VDR: variants seen among roughly 807,000 people sequenced by gnomAD.
The protein encoded by VDR is vitamin D receptor.
Under a neutral mutation model 39.7 loss-of-function variants are expected in VDR, and 19 were observed. The ratio of observed to expected loss-of-function variants is 0.48; its 90% CI spans 0.33 to 0.70. The LOEUF (loss-of-function observed/expected upper bound fraction) is 0.70. Ranked by LOEUF, VDR falls within the 30% of genes least tolerant of loss-of-function variation. The probability of loss-of-function intolerance (pLI) is 0.02; values close to 1 mark genes in which losing one functional copy is unlikely to be tolerated. For synonymous variants in VDR, 242 were observed against 215.8 expected, an observed-to-expected ratio of 1.12 and a Z score of -1.07; for missense variants, 442 against 570.5, an observed-to-expected ratio of 0.77 and a Z score of 2.29.
chr12:47,880,450 C>T (rs183067119), intron 2 of VDR, among the ~76,000 whole-genome samples: 2 of 152,134 alleles, frequency 1.3e-5, no homozygotes, highest in Non-Finnish European at 2.9e-5. Flanking sequence ...CAAATGAGGC[C>T]CAGAGAGGCC....
chr12:47,861,662 G>C (rs1945628048), intron 4 of VDR, among the ~76,000 whole-genome samples: 1 of 152,112 alleles, frequency 6.6e-6, no homozygotes, highest in Non-Finnish European at 1.5e-5. Context: ...GTGTTGGGCT[G>C]TCTGGTGATC....
chr12:47,892,803 A>G (rs575124395), intron 1 of VDR, among the ~76,000 whole-genome samples: 10 of 152,336 alleles, frequency 6.6e-5, no homozygotes, highest in African/African-American at 2.4e-4. Flanking sequence ...TAGAGGGAGC[A>G]TATGCAAGAG....
intron 2 of VDR, among the ~76,000 whole-genome samples, chr12:47,882,463 G>A (rs1415280356): frequency 1.3e-5 from 2 of 152,068 alleles, no homozygotes; most frequent in South Asian, 2.1e-4. Flanking sequence ...AGCCAGGGTC[G>A]TGGCTGGAGC....
intron 1 of VDR, among the ~76,000 whole-genome samples, chr12:47,897,498 T>G (rs1946483596): frequency 6.6e-6 from 1 of 152,152 alleles, no homozygotes; most frequent in Non-Finnish European, 1.5e-5. Flanking sequence ...GGATAGGTAA[T>G]TACAAAGTTG....
At chr12:47,865,611 C>G (rs936858261) in intron 3 of VDR, among the ~76,000 whole-genome samples, 4 of 151,586 alleles carry the variant, frequency 2.6e-5, no homozygotes, top group Non-Finnish European at 4.4e-5. Flanking sequence ...TGGGGTCTCA[C>G]TATGTTGCCC....
intron 4 of VDR, among the ~76,000 whole-genome samples, chr12:47,859,946 T>C (rs1228828629): frequency 1.4e-5 from 2 of 141,144 alleles, no homozygotes; most frequent in Non-Finnish European, 3.0e-5. Flanking sequence ...TTTCTTTCTT[T>C]CTTTCTTTCT....
intron 1 of VDR, chr12:47,904,542 G>A (rs932925211): frequency 1.2e-4 from 190 of 1,521,744 alleles, no homozygotes; most frequent in Admixed American, 2.0e-4. Context: ...GGCCCTGTAA[G>A]ACAATAAATA....
intron 7 of VDR, among the ~76,000 whole-genome samples, chr12:47,854,066 A>T (rs1391417958): frequency 6.6e-6 from 1 of 152,052 alleles, no homozygotes; most frequent in Non-Finnish European, 1.5e-5. Flanking sequence ...CTCCAGTAGA[A>T]CTCCTTATAC....
chr12:47,904,677 C>A, intron 1 of VDR: 1 of 1,520,386 alleles, frequency 6.6e-7, no homozygotes, highest in South Asian at 1.2e-5. Context: ...TCTTGTTGCC[C>A]AAGTGCTAAG....
Position 47,844,878 on chromosome 12 carries a change from G to C in VDR, c.1152C>G (p.Ile384Met). ...GGCTGCGCAGGTCGGCTAGCTTCTGGATCATCTTGGCATAGAGCAGGTGGC... is the reference window on the plus strand; with the variant it reads ...GGCTGCGCAGGTCGGCTAGCTTCTGCATCATCTTGGCATAGAGCAGGTGGC... ...PGSHLLYAKM[I>M]QKLADLRSLN... The change falls in exon 10 of 10, where the codon ATC becomes ATG. Residue 384 changes from isoleucine to methionine, a missense_variant. This residue lies in a region of VDR where 173 missense variants were observed against 252.0 expected (regional missense o/e 0.69). Coordinates refer to ENST00000549336, the MANE Select transcript of VDR (RefSeq NM_000376.3). 1 of 1,614,182 alleles carries C rather than the reference G, an allele frequency of 6.2e-7. No individual in the cohort carries two copies.
chr12:47,842,800 T>C lies in VDR; in HGVS notation c.*1946A>G, dbSNP rs1945197747. The C allele has an allele frequency of 6.6e-6, 1 of 152,104 alleles. No homozygotes were observed. Among genetic ancestry groups the C allele is most frequent in the Non-Finnish European group, 1.5e-5 (1 of 68,018 alleles). The allele number at this position is 152,104 out of a possible 1,614,324, so 9.4% of individuals were successfully genotyped here. ...CCTGGCCCACTTCTAGCTAGTTATA[T>C]ATGCTTGGGTGAGTCACGCCCTCCT... On this transcript the variant is annotated 3_prime_UTR_variant, in exon 10 of 10. Transcript: ENST00000549336.
At chr12:47,868,997 C>T (rs546657925) in intron 3 of VDR, among the ~76,000 whole-genome samples, 13 of 152,232 alleles carry the variant, frequency 8.5e-5, no homozygotes, top group Non-Finnish European at 1.5e-4. Flanking sequence ...TCTTGAGGCC[C>T]CAGGGCCTAT....
chr12:47,894,283 C>T (rs956519963), intron 1 of VDR, among the ~76,000 whole-genome samples: 71 of 152,354 alleles, frequency 4.7e-4, no homozygotes, highest in African/African-American at 4.8e-5. Flanking sequence ...TGCTGCCCAC[C>T]GGATGTCTGA....
chr12:47,865,714 C>T (rs974319709), intron 3 of VDR, among the ~76,000 whole-genome samples: 4 of 106,358 alleles, frequency 3.8e-5, no homozygotes, highest in Non-Finnish European at 5.8e-5. Flanking sequence ...CACTCCGACT[C>T]TTTTTTTTTT....
At chr12:47,855,952 T>G in intron 6 of VDR, 151 bp from the exon 7 acceptor site, 1 of 870,850 alleles carries the variant, frequency 1.1e-6, no homozygotes, top group Non-Finnish European at 1.9e-6. Flanking sequence ...AGCCCCAGGC[T>G]TCCCTCTGGG....
chr12:47,867,289 C>T (rs990068773), intron 3 of VDR, among the ~76,000 whole-genome samples: 3 of 151,964 alleles, frequency 2.0e-5, no homozygotes, highest in Admixed American at 6.6e-5. Context: ...GGGAGACGGC[C>T]GTTTCACTGA....
rs527937423 is a variant in VDR, at chr12:47,899,872, C to A, written c.-84+5083G>T. The A allele has an allele frequency of 3.5e-4, 348 of 981,460 alleles. 1 individual carries two copies. The highest frequency in any genetic ancestry group is 4.1e-4 in the Non-Finnish European group (338 of 826,242). The allele number at this position is 981,460 out of a possible 1,614,324, so 60.8% of individuals were successfully genotyped here. On this transcript the variant is annotated intron_variant, in intron 1 of 9. Transcript: ENST00000549336. ...AGCTATGAGGATTGAGGGAGGCAAG[C>A]AAAGCAATGTGCACGGGGCCTGGCA...
chr12:47,886,585 G>A (rs977821828), intron 1 of VDR, among the ~76,000 whole-genome samples: 1 of 152,164 alleles, frequency 6.6e-6, no homozygotes, highest in African/African-American at 2.4e-5. Context: ...TGTCTCCCCA[G>A]CTCCTTCATA....
chr12:47,896,288 T>A (rs781572857), intron 1 of VDR, among the ~76,000 whole-genome samples: 10 of 152,180 alleles, frequency 6.6e-5, no homozygotes, highest in Non-Finnish European at 1.3e-4. Context: ...GCAGCCCAGT[T>A]TTTGAAGATG....
Sources: allele counts gnomAD v4.1 joint callset (sites outside exome capture counted in the v4.1 genomes callset), GRCh38; gene constraint gnomAD v4.1.1; regional missense constraint gnomAD v4.1.1; transcripts MANE v1.5; gene names NCBI Gene and HGNC (gene_info 2026-07-23, HGNC 2026-07-21).